DPY19L1: variants seen among roughly 807,000 people sequenced by gnomAD.
DPY19L1 encodes dpy-19 like C-mannosyltransferase 1.
A neutral mutation model predicts 96.9 loss-of-function variants in DPY19L1; 35 were observed. The observed-to-expected ratio is 0.36, with a 90% CI of 0.28 to 0.48. The LOEUF (loss-of-function observed/expected upper bound fraction) is 0.48, where lower values mean the gene tolerates loss of function less well. Ranked by LOEUF, DPY19L1 falls within the 20% of genes least tolerant of loss-of-function variation. DPY19L1 has a pLI of 0.99. For synonymous variants in DPY19L1, 205 were observed against 252.6 expected (o/e 0.81, Z 1.79); for missense variants, 521 against 777.9 (o/e 0.67, Z 3.93).
chr7:35,034,825 T>C (rs1786347721), intron 1 of DPY19L1, among the ~76,000 whole-genome samples: 1 of 152,238 alleles, frequency 6.6e-6, no homozygotes, highest in African/African-American at 2.4e-5. Flanking sequence ...AAATGAACTC[T>C]TGATGAACAA....
chr7:34,993,417 T>A (rs1785214412), intron 6 of DPY19L1, among the ~76,000 whole-genome samples: 1 of 146,226 alleles, frequency 6.8e-6, no homozygotes, highest in African/African-American at 2.5e-5. Flanking sequence ...CTGTTCTATT[T>A]CATTCAACTG....
chr7:35,001,975 A>C (rs1238862599), intron 6 of DPY19L1, among the ~76,000 whole-genome samples: 4 of 152,002 alleles, frequency 2.6e-5, no homozygotes, highest in African/African-American at 9.7e-5. Flanking sequence ...AAATACAAAA[A>C]TTGGCTGGGT....
intron 8 of DPY19L1, among the ~76,000 whole-genome samples, chr7:34,973,071 C>G (rs1784756942): frequency 6.6e-6 from 1 of 152,148 alleles, no homozygotes; most frequent in Non-Finnish European, 1.5e-5. Flanking sequence ...TTTTTACCCT[C>G]TGGAGCAAGG....
At chr7:34,977,317 G>T (rs77340571) in intron 7 of DPY19L1, among the ~76,000 whole-genome samples, 8,721 of 152,156 alleles carry the variant, frequency 0.057, 861 homozygotes, top group African/African-American at 0.2. Context: ...ACCATGTAAT[G>T]TACAATTTGA....
chr7:34,968,874 A>G (rs1225977063), intron 9 of DPY19L1, among the ~76,000 whole-genome samples: 2 of 151,672 alleles, frequency 1.3e-5, no homozygotes, highest in African/African-American at 4.8e-5. Context: ...TGAATATGTA[A>G]TTTACTCCCT....
chr7:34,940,269 G>A lies in DPY19L1; in HGVS notation c.1748C>T (p.Ala583Val), dbSNP rs201141592. 67 of 1,611,638 alleles carry A rather than the reference G, an allele frequency of 4.2e-5. No individual in the cohort carries two copies. The highest frequency in any genetic ancestry group is 1.3e-5 in the African/African-American group (1 of 74,764). The change falls in exon 19 of 22, where the codon GCA (alanine) becomes GTA (valine). Residue 583 changes from alanine (A) to valine (V), a missense_variant. Transcript: ENST00000638088. The stretch of plus-strand genomic sequence containing the variant: ...TGCTGAACCTTGTATTGACATTGCT[G>A]CTAATATAGCAAACACAATAGCACC... ...HPGAIVFAIL[A>V]AMSIQGSANL...
chr7:35,036,570 G>A (rs995578734), intron 1 of DPY19L1, among the ~76,000 whole-genome samples: 4 of 151,836 alleles, frequency 2.6e-5, no homozygotes, highest in African/African-American at 7.3e-5. Flanking sequence ...CGTGTCGAGG[G>A]GAATCACAAA....
At chr7:34,946,666 AGTGCT>A (rs1238024921) in intron 15 of DPY19L1, among the ~76,000 whole-genome samples, 1 of 152,218 alleles carries the variant, frequency 6.6e-6, no homozygotes, top group African/African-American at 2.4e-5. Flanking sequence ...AGAGATTAAA[AGTGCT>A]GTCGGAGTAC....
intron 10 of DPY19L1, among the ~76,000 whole-genome samples, chr7:34,960,096 A>G (rs1784471703): frequency 6.6e-6 from 1 of 150,762 alleles, no homozygotes; most frequent in Non-Finnish European, 1.5e-5. Flanking sequence ...CTTTGGATTT[A>G]TCTGTCATTT....
chr7:35,037,656 C>G (rs1437062490), upstream of DPY19L1: 1 of 239,522 alleles, frequency 4.2e-6, no homozygotes, highest in Non-Finnish European at 6.9e-6. Context: ...TCACGGCGAC[C>G]GCGGAACGCC....
In DPY19L1 at chr7:34,929,646, C is replaced by T. The variant is rs1349176319; in HGVS notation, c.*1927G>A. 6.6e-6 allele frequency: 1 copy of T among 152,158 alleles called. No homozygotes were observed. Among genetic ancestry groups the T allele is most frequent in the Admixed American group, 6.5e-5 (1 of 15,278 alleles). The allele number at this position is 152,158 out of a possible 1,614,324, so 9.4% of individuals were successfully genotyped here. On this transcript the variant is annotated 3_prime_UTR_variant, in exon 22 of 22. Transcript: ENST00000638088. ...CAGCCACACTCAGGTGAGCAACAAT[C>T]ACAGATAAGCAGCGCGCACCTCCCT...
At chr7:34,948,379 T>C (rs1238200272) in intron 14 of DPY19L1, among the ~76,000 whole-genome samples, 3 of 152,146 alleles carry the variant, frequency 2.0e-5, no homozygotes, top group Non-Finnish European at 4.4e-5. Flanking sequence ...CAGTATGATA[T>C]CATATTAGGA....
At chr7:35,037,795 C>T (rs1253775953), upstream of DPY19L1, 163 of 1,213,334 alleles carry the variant, frequency 1.3e-4, no homozygotes, top group Middle Eastern at 2.2e-3. Flanking sequence ...GGCCCGACCC[C>T]TCTGGCGCCC....
At chr7:34,944,341 G>A (rs1442855980) in intron 16 of DPY19L1, among the ~76,000 whole-genome samples, 1 of 141,770 alleles carries the variant, frequency 7.1e-6, no homozygotes, top group Non-Finnish European at 1.5e-5. Context: ...CCTCCAGCCT[G>A]GGTGACAGAG....
intron 7 of DPY19L1, among the ~76,000 whole-genome samples, chr7:34,980,458 CA>C (rs1784915983): frequency 6.6e-6 from 1 of 151,458 alleles, no homozygotes; most frequent in East Asian, 1.9e-4. Context: ...CAAAAAACCT[CA>C]AAAAGATCTG....
intron 1 of DPY19L1, among the ~76,000 whole-genome samples, chr7:35,036,259 G>C (rs541190951): frequency 1.3e-5 from 2 of 152,212 alleles, no homozygotes; most frequent in East Asian, 3.9e-4. Flanking sequence ...AGCCCACTGA[G>C]GCATATAGAA....
intron 1 of DPY19L1, among the ~76,000 whole-genome samples, chr7:35,020,087 C>A (rs1371680632): frequency 6.6e-6 from 1 of 152,112 alleles, no homozygotes; most frequent in Non-Finnish European, 1.5e-5. Context: ...CAGCTATGAT[C>A]ACACCACTGT....
intron 6 of DPY19L1, among the ~76,000 whole-genome samples, chr7:35,001,193 AAC>A (rs991506861): frequency 2.4e-4 from 36 of 152,340 alleles, no homozygotes; most frequent in African/African-American, 8.2e-4. Flanking sequence ...TGCAATCAAA[AAC>A]AGTCTTCAGT....
rs374009680 is a variant in DPY19L1 at position 34,940,136 on chromosome 7, CT to C, written c.1864+16del. 177,639 of 1,064,816 alleles carry C rather than the reference CT, an allele frequency of 0.17. No individual in the cohort carries two copies. The highest frequency in any genetic ancestry group is 0.19 in the South Asian group (9,023 of 48,584). 66.0% of individuals were successfully genotyped at this position (1,064,816 alleles called of 1,614,324 possible). On this transcript the variant is annotated intron_variant, in intron 19 of 21. Coordinates refer to ENST00000638088, the MANE Select transcript of DPY19L1 (RefSeq NM_001366673.1). ...AGCTAAATAATATGACTTTTTTTTT[CT>C]TTTTTTTTTTTTTACCTGGTTTAGT...
Sources: gnomAD v4.1 joint callset for allele counts (sites outside exome capture counted in the v4.1 genomes callset) on GRCh38, gnomAD v4.1.1 for gene constraint, MANE v1.5 for transcripts, NCBI Gene and HGNC (gene_info 2026-07-23, HGNC 2026-07-21) for gene names.